The following ABCA13 variants were observed in gnomAD, a reference collection of about 807,000 sequenced individuals.
ABCA13 encodes ATP binding cassette subfamily A member 13.
In ABCA13, 476 loss-of-function variants were observed where a neutral mutation model predicts 478.7. The ratio of observed to expected loss-of-function variants is 0.99; its 90% CI spans 0.92 to 1.07. The LOEUF is 1.07. Among genes scored for constraint, ABCA13 ranks in the 50% least tolerant of loss-of-function variants. The probability of loss-of-function intolerance (pLI) is 0.00; values close to 1 mark genes in which losing one functional copy is unlikely to be tolerated. For missense variants in ABCA13, 6,060 were observed against 5,910.6 expected (o/e 1.03, Z -0.83); for synonymous variants, 2,252 against 2,158.9 (o/e 1.04, Z -1.20).
intron 3 of ABCA13, among the ~76,000 whole-genome samples, chr7:48,203,255 C>A (rs1396155012): frequency 6.6e-5 from 10 of 152,152 alleles, no homozygotes; most frequent in Admixed American, 3.9e-4. Context: ...CCAGCTGGCC[C>A]GCAAGCGCCG....
In ABCA13 at chr7:48,178,032, A is replaced by AT. The variant is rs541780974; in HGVS notation, c.69+6488dup. On this transcript the variant is annotated intron_variant, in intron 1 of 61. Coordinates refer to ENST00000435803, the MANE Select transcript of ABCA13 (RefSeq NM_152701.5). The stretch of plus-strand genomic sequence containing the variant: ...TTAATAAAAGCAAACCTCCCTTTGT[A>AT]TTTTTTTTAGCATGGGCTGGCCTCT... Among the ~76,000 whole-genome samples the AT allele has an allele frequency of 3.5e-3, 533 of 151,976 alleles. 4 individuals carry two copies. Among genetic ancestry groups the AT allele is most frequent in the Non-Finnish European group, 3.0e-3 (205 of 67,940 alleles).
rs2130918580 is a variant in ABCA13 at position 48,513,028 on chromosome 7, C to G, written c.13640+1829C>G. ...TAGCTCTTTCTTCATTGGAGCACAG[C>G]CAGTGGAACTGGTGACAACCTCCCC... On this transcript the variant is annotated intron_variant, in intron 51 of 61. Transcript: ENST00000435803. 1.3e-5 allele frequency among the ~76,000 whole-genome samples: 2 copies of G among 152,304 alleles called. 1 individual carries two copies. The highest frequency in any genetic ancestry group is 4.1e-4 in the South Asian group (2 of 4,826).
At chr7:48,265,241 T>A (rs995941204) in intron 15 of ABCA13, among the ~76,000 whole-genome samples, 1 of 151,578 alleles carries the variant, frequency 6.6e-6, no homozygotes, top group African/African-American at 2.4e-5. Context: ...TTTGTTCTTT[T>A]TTTTAAAAAA....
At chr7:48,302,274 A>G (rs555833933) in intron 23 of ABCA13, among the ~76,000 whole-genome samples, 1 of 152,288 alleles carries the variant, frequency 6.6e-6, no homozygotes, top group African/African-American at 2.4e-5. Context: ...TAATTCCCCA[A>G]TTGGCATTGA....
chr7:48,203,011 G>C (rs530142775), intron 3 of ABCA13, among the ~76,000 whole-genome samples: 1 of 152,222 alleles, frequency 6.6e-6, no homozygotes, highest in African/African-American at 2.4e-5. Flanking sequence ...CCACGGAGGT[G>C]GGGGAAGGCT....
At position 48,528,118 on chromosome 7, in the gene ABCA13, A is replaced by G. The variant is rs186723798; in HGVS notation, c.14245-118A>G. The G allele has an allele frequency of 2.1e-3, 1,639 of 798,302 alleles. 30 individuals are homozygous for G. In the Admixed American group the frequency reaches 0.025, roughly 12 times the overall value. The allele number at this position is 798,302 out of a possible 1,614,324, so 49.5% of individuals were successfully genotyped here. A position where few individuals can be genotyped will look rare whatever the true frequency, so the allele number is the denominator to read the frequency against. On this transcript the variant is annotated intron_variant, in intron 54 of 61. Coordinates refer to ENST00000435803, the MANE Select transcript of ABCA13 (RefSeq NM_152701.5). ...TAAATAACACAAACCAGCAAAGTCAACTCAAAGTTGGCTAAAAGCAAGTGC... is the reference window on the plus strand; with the variant it reads ...TAAATAACACAAACCAGCAAAGTCAGCTCAAAGTTGGCTAAAAGCAAGTGC...
At chr7:48,310,464 C>T (rs1427949409) in intron 24 of ABCA13, among the ~76,000 whole-genome samples, 1 of 152,144 alleles carries the variant, frequency 6.6e-6, no homozygotes, top group Non-Finnish European at 1.5e-5. Context: ...CTTCCTAATG[C>T]CAGGTGTTCT....
intron 41 of ABCA13, among the ~76,000 whole-genome samples, chr7:48,419,578 T>G (rs1048977736): frequency 4.6e-5 from 7 of 152,140 alleles, no homozygotes; most frequent in African/African-American, 1.7e-4. Flanking sequence ...AATCCAGGAT[T>G]CATGTTCTTG....
intron 55 of ABCA13, among the ~76,000 whole-genome samples, chr7:48,542,431 A>C (rs2131136752): frequency 6.6e-6 from 1 of 151,900 alleles, no homozygotes; most frequent in East Asian, 1.9e-4. Context: ...ATAGTTTAAA[A>C]AATAGTATGA....
intron 38 of ABCA13, among the ~76,000 whole-genome samples, chr7:48,395,419 G>A (rs574545470): frequency 6.6e-6 from 1 of 152,346 alleles, no homozygotes; most frequent in South Asian, 2.1e-4. Context: ...TCTGGCTCAG[G>A]CAAGCACAGT....
chr7:48,624,059 A>AGTGTGTGT (rs3078326), intron 59 of ABCA13, among the ~76,000 whole-genome samples: 1,660 of 142,524 alleles, frequency 0.012, 14 homozygotes, highest in African/African-American at 0.022. Flanking sequence ...CACATGATAG[A>AGTGTGTGT]GTGTGTGTGT....
chr7:48,277,314 G>C (rs1256032007), intron 17 of ABCA13, among the ~76,000 whole-genome samples: 1 of 152,204 alleles, frequency 6.6e-6, no homozygotes, highest in Non-Finnish European at 1.5e-5. Flanking sequence ...CAGGAAGGAA[G>C]ACCAGGGGAA....
At chr7:48,235,776 AT>A (rs1789860529) in intron 8 of ABCA13, among the ~76,000 whole-genome samples, 1 of 152,328 alleles carries the variant, frequency 6.6e-6, no homozygotes, top group African/African-American at 2.4e-5. Flanking sequence ...AAAACCAGTT[AT>A]TGTGTAGGTA....
intron 56 of ABCA13, among the ~76,000 whole-genome samples, chr7:48,583,868 C>G (rs1469419881): frequency 6.6e-6 from 1 of 152,196 alleles, no homozygotes; most frequent in Non-Finnish European, 1.5e-5. Flanking sequence ...TTTCTGACAA[C>G]ATGACATTCA....
intron 23 of ABCA13, among the ~76,000 whole-genome samples, chr7:48,300,488 CAAT>C (rs1157050155): frequency 6.6e-6 from 1 of 152,178 alleles, no homozygotes; most frequent in Non-Finnish European, 1.5e-5. Context: ...TAGAACACAA[CAAT>C]GAGGACAGGT....
chr7:48,618,919 G>A (rs1792864683), intron 59 of ABCA13, among the ~76,000 whole-genome samples: 2 of 152,342 alleles, frequency 1.3e-5, no homozygotes, highest in Admixed American at 1.3e-4. Flanking sequence ...TTCTTCCAGA[G>A]TCAGCAAGTC....
At chr7:48,225,135 GCCTTCCTT>G (rs1202516045) in intron 5 of ABCA13, among the ~76,000 whole-genome samples, 717 of 69,828 alleles carry the variant, frequency 0.01, 11 homozygotes, top group South Asian at 0.067. Context: ...CTGCCTGCCT[GCCTTCCTT>G]CCTTCCTTCC....
rs550473894 is a variant in ABCA13, at chr7:48,403,182, G to A, written c.11874-501G>A. ...AATGATAATTTATACTTTGCACGTG[G>A]CATTTCACTGGAACATCTGCATTAA... On this transcript the variant is annotated intron_variant, in intron 38 of 61. Transcript: ENST00000435803. 2.3e-4 allele frequency among the ~76,000 whole-genome samples: 35 copies of A among 152,326 alleles called. No individual in the cohort carries two copies. In the South Asian group the frequency reaches 3.9e-3, roughly 17 times the overall value.
At chr7:48,339,795 G>C (rs1806841623) in intron 29 of ABCA13, among the ~76,000 whole-genome samples, 1 of 152,146 alleles carries the variant, frequency 6.6e-6, no homozygotes, top group Non-Finnish European at 1.5e-5. Context: ...GGTGAATGTT[G>C]GTTATTTTCC....
Sources: allele counts gnomAD v4.1 joint callset (sites outside exome capture counted in the v4.1 genomes callset), GRCh38; gene constraint gnomAD v4.1.1; transcripts MANE v1.5; gene names NCBI Gene and HGNC (gene_info 2026-07-23, HGNC 2026-07-21).